Variants in CWC27 observed in about 807,000 individuals in gnomAD.
The protein encoded by CWC27 is CWC27 spliceosome associated cyclophilin.
In CWC27, 47 loss-of-function variants were observed where a neutral mutation model predicts 63.6. The observed-to-expected ratio is 0.74, with a 90% confidence interval of 0.58 to 0.94. The LOEUF (loss-of-function observed/expected upper bound fraction) is 0.94, where lower values mean the gene tolerates loss of function less well. Among genes scored for constraint, CWC27 ranks in the 40% least tolerant of loss-of-function variants. CWC27 has a pLI of 0.00. For missense variants in CWC27, 495 were observed against 554.3 expected (o/e 0.89, Z 1.07); for synonymous variants, 175 against 179.8 (o/e 0.97, Z 0.22).
intron 10 of CWC27, among the ~76,000 whole-genome samples, chr5:64,849,630 A>T (rs935404839): frequency 6.6e-6 from 1 of 152,006 alleles, no homozygotes; most frequent in South Asian, 2.1e-4. Flanking sequence ...AGTCATTGAT[A>T]TGGTTTGGCT....
intron 11 of CWC27, among the ~76,000 whole-genome samples, chr5:64,935,950 G>A (rs1748342606): frequency 6.6e-6 from 1 of 152,110 alleles, no homozygotes; most frequent in African/African-American, 2.4e-5. Context: ...CATTTATTTT[G>A]TATCCTGAGA....
intron 10 of CWC27, among the ~76,000 whole-genome samples, chr5:64,837,395 A>C (rs1745684118): frequency 6.6e-6 from 1 of 152,098 alleles, no homozygotes; most frequent in Non-Finnish European, 1.5e-5. Context: ...CTTTTAAATA[A>C]GCAGACCTTT....
Position 64,774,671 on chromosome 5 carries a change from A to C in CWC27, c.43-20A>C, listed in dbSNP as rs771787453. The C allele has an allele frequency of 7.2e-7, 1 of 1,397,402 alleles. No homozygotes were observed. The highest frequency in any genetic ancestry group is 1.4e-5 in the South Asian group (1 of 73,556). The allele number at this position is 1,397,402 out of a possible 1,614,324, so 86.6% of individuals were successfully genotyped here. A position where few individuals can be genotyped will look rare whatever the true frequency, so the allele number is the denominator to read the frequency against. On this transcript the variant is annotated intron_variant, in intron 1 of 13. Coordinates refer to ENST00000381070, the MANE Select transcript of CWC27 (RefSeq NM_005869.4). ...TTAAGCAAAATAATAATTTAATAAA[A>C]TGTAATATTCTTTCTACAGGTTTTA... is the stretch of plus-strand genomic sequence containing the variant.
At chr5:65,010,945 T>C (rs946562563) in intron 13 of CWC27, among the ~76,000 whole-genome samples, 8 of 152,184 alleles carry the variant, frequency 5.3e-5, no homozygotes, top group Non-Finnish European at 8.8e-5. Flanking sequence ...AGTCAAAGGT[T>C]TTGGAGGTGG....
chr5:64,856,526 AGTTT>A (rs1222357841), intron 10 of CWC27, among the ~76,000 whole-genome samples: 1 of 151,756 alleles, frequency 6.6e-6, no homozygotes, highest in African/African-American at 2.4e-5. Flanking sequence ...AACTTATAAT[AGTTT>A]AGCCTTTCAA....
chr5:64,875,603 C>T (rs1315251250), intron 10 of CWC27, among the ~76,000 whole-genome samples: 1 of 152,044 alleles, frequency 6.6e-6, no homozygotes, highest in Non-Finnish European at 1.5e-5. Context: ...CATTTAGTGA[C>T]CAGAGTTAGG....
intron 7 of CWC27, among the ~76,000 whole-genome samples, chr5:64,790,355 A>G (rs752830626): frequency 5.3e-5 from 8 of 152,196 alleles, no homozygotes; most frequent in Non-Finnish European, 1.2e-4. Context: ...CTGAAGAGTC[A>G]TCTTCTTTAG....
intron 6 of CWC27, 63 bp downstream of exon 6, chr5:64,786,690 A>G (rs946993951): frequency 3.0e-6 from 3 of 990,668 alleles, no homozygotes; most frequent in Non-Finnish European, 4.4e-6. Flanking sequence ...TTAGTTTACT[A>G]TATTTCCTTT....
intron 10 of CWC27, among the ~76,000 whole-genome samples, chr5:64,832,994 A>C (rs147847314): frequency 7.9e-5 from 12 of 151,878 alleles, no homozygotes; most frequent in African/African-American, 2.9e-4. Context: ...AAATCTAGAG[A>C]TCTAGAGCAA....
At chr5:65,012,171 C>G (rs1749972711) in intron 13 of CWC27, among the ~76,000 whole-genome samples, 1 of 152,146 alleles carries the variant, frequency 6.6e-6, no homozygotes, top group Non-Finnish European at 1.5e-5. Flanking sequence ...CCTTACTAGA[C>G]CTAGCACTGA....
At chr5:64,936,032 A>G (rs1265477315) in intron 11 of CWC27, among the ~76,000 whole-genome samples, 1 of 152,222 alleles carries the variant, frequency 6.6e-6, no homozygotes, top group Non-Finnish European at 1.5e-5. Context: ...ATATACAATC[A>G]TGTCATCTAC....
At chr5:64,934,664 T>C (rs543575531) in intron 11 of CWC27, among the ~76,000 whole-genome samples, 4 of 152,326 alleles carry the variant, frequency 2.6e-5, no homozygotes, top group African/African-American at 9.6e-5. Flanking sequence ...TCTAGATCCT[T>C]CAGGAATCAC....
intron 11 of CWC27, among the ~76,000 whole-genome samples, chr5:64,948,190 C>A (rs1369025596): frequency 6.6e-6 from 1 of 151,944 alleles, no homozygotes; most frequent in African/African-American, 2.4e-5. Flanking sequence ...GGTAGTAATT[C>A]ACTGGTGGGT....
Position 64,934,803 on chromosome 5 carries a change from C to G in CWC27, c.1043-36900C>G, listed in dbSNP as rs183697764. Among the ~76,000 whole-genome samples, 581 of 152,248 alleles carry G rather than the reference C, an allele frequency of 3.8e-3. 2 individuals are homozygous for G. The highest frequency in any genetic ancestry group is 0.012 in the African/African-American group (501 of 41,550). ...TTTTAATCATCACCATTCTAACTGG[C>G]GTGAGATAGTGTCTCACTGTGGTTT... On this transcript the variant is annotated intron_variant, in intron 11 of 13. Transcript: ENST00000381070.
chr5:64,808,287 G>A (rs1744760232), intron 10 of CWC27: 6 of 990,532 alleles, frequency 6.1e-6, no homozygotes, highest in Non-Finnish European at 7.2e-6. Flanking sequence ...ATGAGTTCAA[G>A]TTTGTATCAT....
chr5:64,885,614 C>A, intron 11 of CWC27, 68 bp downstream of exon 11: 1 of 1,134,152 alleles, frequency 8.8e-7, no homozygotes, highest in Admixed American at 2.1e-5. Context: ...TAGCTCCTCC[C>A]TGCCCGCTCC....
chr5:64,957,686 AG>A (rs1292454086), intron 11 of CWC27, among the ~76,000 whole-genome samples: 1 of 152,212 alleles, frequency 6.6e-6, no homozygotes, highest in African/African-American at 2.4e-5. Flanking sequence ...TCTATCTGAC[AG>A]GCTCCCTGAT....
chr5:65,009,733 G>A (rs1467262041), intron 13 of CWC27, among the ~76,000 whole-genome samples: 1 of 152,184 alleles, frequency 6.6e-6, no homozygotes, highest in Non-Finnish European at 1.5e-5. Flanking sequence ...CAAGGAGAGA[G>A]CCCTCACCAG....
intron 10 of CWC27, among the ~76,000 whole-genome samples, chr5:64,860,945 T>G (rs1428668856): frequency 2.0e-5 from 3 of 152,136 alleles, no homozygotes; most frequent in African/African-American, 7.2e-5. Flanking sequence ...AGCTCATAAT[T>G]TTTTTAGGTC....
Sources: gnomAD v4.1 joint callset for allele counts (sites outside exome capture counted in the v4.1 genomes callset) on GRCh38, gnomAD v4.1.1 for gene constraint, MANE v1.5 for transcripts, NCBI Gene and HGNC (gene_info 2026-07-23, HGNC 2026-07-21) for gene names.